TRAPPC12: variants seen among roughly 807,000 people sequenced by gnomAD.
TRAPPC12 encodes the protein trafficking protein particle complex subunit 12, also known as TPR repeat protein 15.
Under a neutral mutation model 69.2 loss-of-function variants are expected in TRAPPC12, and 61 were observed. The observed-to-expected ratio is 0.88, with a 90% CI of 0.72 to 1.09. TRAPPC12 has a LOEUF of 1.09. TRAPPC12 is among the 50% of genes least tolerant of loss of function. The pLI is 0.00. For synonymous variants in TRAPPC12, 469 were observed against 438.9 expected (o/e 1.07, Z -0.86); for missense variants, 1,101 against 1,016.4 (o/e 1.08, Z -1.13).
intron 3 of TRAPPC12, among the ~76,000 whole-genome samples, chr2:3,418,333 C>G (rs986946696): frequency 1.4e-5 from 2 of 142,096 alleles, no homozygotes. Context: ...ATGCCATACA[C>G]ATAAAGTTCT....
Position 3,383,871 on chromosome 2 carries a change from GTTTT to G in TRAPPC12, c.-4-3711_-4-3708del, listed in dbSNP as rs34956958. ...TATTCCCTTGTGATAGTTCAGTCTT[GTTTT>G]TTTTTTTTTTTTTTTTTTTTTTTTT... is the stretch of plus-strand genomic sequence containing the variant. On this transcript the variant is annotated intron_variant, in intron 1 of 11. Transcript: ENST00000324266. Among the ~76,000 whole-genome samples, 120 of 85,596 alleles carry G rather than the reference GTTTT, an allele frequency of 1.4e-3. 1 individual carries two copies. The highest frequency in any genetic ancestry group is 7.4e-3 in the Middle Eastern group (1 of 136). The allele number at this position is 85,596 out of a possible 152,430, so 56.2% of individuals were successfully genotyped here.
At chr2:3,392,761 G>A (rs1660894078) in intron 2 of TRAPPC12, among the ~76,000 whole-genome samples, 1 of 152,244 alleles carries the variant, frequency 6.6e-6, no homozygotes, top group Admixed American at 6.5e-5. Context: ...CAGCCATTAT[G>A]GAAAACATGG....
chr2:3,461,884 C>T (rs1032000673), intron 8 of TRAPPC12, among the ~76,000 whole-genome samples: 1 of 152,214 alleles, frequency 6.6e-6, no homozygotes, highest in Non-Finnish European at 1.5e-5. Flanking sequence ...CCGAAGCACC[C>T]GGCCTGACCC....
intron 5 of TRAPPC12, among the ~76,000 whole-genome samples, chr2:3,430,107 T>C (rs1274777370): frequency 2.6e-5 from 4 of 152,016 alleles, no homozygotes; most frequent in Non-Finnish European, 5.9e-5. Context: ...AGCATATCTG[T>C]CTTCATTTGC....
In TRAPPC12 at chr2:3,443,782, C is replaced by T. The variant is rs199714488; in HGVS notation, c.1421C>T (p.Ser474Phe). 1.2e-6 allele frequency: 2 copies of T among 1,613,984 alleles called. No individual in the cohort carries two copies. The highest frequency in any genetic ancestry group is 1.7e-6 in the Non-Finnish European group (2 of 1,179,944). The change falls in exon 6 of 12, where the codon TCC (serine) becomes TTC (phenylalanine). Residue 474 changes from serine (S) to phenylalanine (F), a missense_variant. Physicochemically the swap from Ser to Phe is radical, Grantham distance 155. Coordinates refer to ENST00000324266, the MANE Select transcript of TRAPPC12 (RefSeq NM_016030.6). The part of the protein sequence containing the change: ...YPHVYPGRRG[S>F]MVPFSMRILH... ...CTCAGCACTGATTGGATTCCAGGCT[C>T]CATGGTCCCCTTCTCGATGCGCATC...
rs148774092 is a variant in TRAPPC12, at chr2:3,388,281, G to A, written c.658G>A (p.Ala220Thr). ...AGACACGGCCGCCAGCCACTCCTTG[G>A]CCTCGGACTTCTTCGACTCCTTTAC... is the stretch of plus-strand genomic sequence containing the variant. ...FGDTAASHSL[A>T]SDFFDSFTTS... The change falls in exon 2 of 12, where the codon GCC (alanine) becomes ACC (threonine). Residue 220 changes from alanine to threonine, a missense_variant. Coordinates refer to ENST00000324266, the MANE Select transcript of TRAPPC12 (RefSeq NM_016030.6). The A allele has an allele frequency of 1.2e-6, 2 of 1,607,536 alleles. No individual in the cohort carries two copies. Among genetic ancestry groups the A allele is most frequent in the Non-Finnish European group, 1.7e-6 (2 of 1,177,012 alleles).
intron 2 of TRAPPC12, among the ~76,000 whole-genome samples, chr2:3,396,787 C>T (rs866760460): frequency 2.6e-5 from 4 of 151,938 alleles, no homozygotes; most frequent in Admixed American, 2.0e-4. Flanking sequence ...GGTTCTTTTT[C>T]GTATCATTTT....
intron 3 of TRAPPC12, among the ~76,000 whole-genome samples, chr2:3,416,199 A>C (rs1039475872): frequency 6.6e-6 from 1 of 152,094 alleles, no homozygotes; most frequent in East Asian, 1.9e-4. Context: ...ATGCTTCTTA[A>C]GTGAGGGAGT....
chr2:3,425,490 C>T (rs755506315), intron 5 of TRAPPC12, among the ~76,000 whole-genome samples: 1 of 152,166 alleles, frequency 6.6e-6, no homozygotes, highest in Non-Finnish European at 1.5e-5. Context: ...ATTGGTAAAA[C>T]AGAGATGCCA....
At chr2:3,457,910 G>T in intron 7 of TRAPPC12, 1 of 1,411,028 alleles carries the variant, frequency 7.1e-7, no homozygotes. Context: ...CGAACCCTGC[G>T]CCCGGGGAGA....
At chr2:3,385,629 T>C (rs1660453710) in intron 1 of TRAPPC12, among the ~76,000 whole-genome samples, 1 of 152,260 alleles carries the variant, frequency 6.6e-6, no homozygotes, top group South Asian at 2.1e-4. Context: ...AATAAAACTT[T>C]TAAAATCTGT....
intron 8 of TRAPPC12, among the ~76,000 whole-genome samples, chr2:3,464,304 C>A (rs1261085358): frequency 6.6e-6 from 1 of 152,144 alleles, no homozygotes; most frequent in African/African-American, 2.4e-5. Context: ...GGGCGTCAGG[C>A]CTTGAATAAA....
At chr2:3,395,862 T>C (rs1188553542) in intron 2 of TRAPPC12, among the ~76,000 whole-genome samples, 1 of 152,152 alleles carries the variant, frequency 6.6e-6, no homozygotes. Context: ...CCTGAGTAGC[T>C]GGGATTATAG....
intron 3 of TRAPPC12, among the ~76,000 whole-genome samples, chr2:3,407,670 C>T (rs921726097): frequency 4.7e-4 from 72 of 151,888 alleles, no homozygotes; most frequent in Non-Finnish European, 1.2e-4. Context: ...GGCGTGGTGG[C>T]GGGTGCCTGT....
At chr2:3,401,431 A>T (rs1238701541) in intron 2 of TRAPPC12, among the ~76,000 whole-genome samples, 2 of 152,174 alleles carry the variant, frequency 1.3e-5, no homozygotes, top group African/African-American at 2.4e-5. Context: ...CCCTCACCTG[A>T]GGCCTCTCTG....
chr2:3,454,757 C>T (rs1217940446), intron 6 of TRAPPC12: 1 of 152,436 alleles, frequency 6.6e-6, no homozygotes, highest in East Asian at 1.9e-4. Flanking sequence ...TGATAGTCCA[C>T]AGGGAACGTC....
intron 5 of TRAPPC12, among the ~76,000 whole-genome samples, chr2:3,434,219 G>A (rs565772568): frequency 5.3e-5 from 8 of 152,200 alleles, no homozygotes; most frequent in African/African-American, 1.9e-4. Context: ...GCCCTCCTGC[G>A]CAGCGCTAGG....
intron 3 of TRAPPC12, among the ~76,000 whole-genome samples, chr2:3,403,467 G>GA (rs1661566839): frequency 6.6e-6 from 1 of 152,160 alleles, no homozygotes; most frequent in African/African-American, 2.4e-5. Context: ...CTGACCTCAG[G>GA]TGATCCGCCT....
chr2:3,389,836 G>T, intron 2 of TRAPPC12: 1 of 467,740 alleles, frequency 2.1e-6, no homozygotes, highest in Non-Finnish European at 4.4e-6. Flanking sequence ...AGAGAGGGGA[G>T]GCGAGGGTGG....
Sources: gnomAD v4.1 joint callset for allele counts (sites outside exome capture counted in the v4.1 genomes callset) on GRCh38, gnomAD v4.1.1 for gene constraint, MANE v1.5 for transcripts, NCBI Gene and HGNC (gene_info 2026-07-23, HGNC 2026-07-21) for gene names.